MYT1L: variants seen among roughly 807,000 people sequenced by gnomAD.
MYT1L encodes the protein myelin transcription factor 1-like protein.
A neutral mutation model predicts 126.7 loss-of-function variants in MYT1L; 12 were observed. The ratio of observed to expected loss-of-function variants is 0.09; its 90% CI spans 0.06 to 0.15. The LOEUF is 0.15. MYT1L is among the 10% of genes least tolerant of loss of function. MYT1L has a pLI of 1.00. For synonymous variants in MYT1L, 541 were observed against 604.2 expected (o/e 0.90, Z 1.53); for missense variants, 979 against 1,585.2 (o/e 0.62, Z 6.49).
In MYT1L at chr2:2,228,131, A is replaced by G. The variant is rs1033969447; in HGVS notation, c.-420-55143T>C. 2.6e-4 allele frequency among the ~76,000 whole-genome samples: 40 copies of G among 152,364 alleles called. No homozygotes were observed. The highest frequency in any genetic ancestry group is 8.4e-4 in the African/African-American group (35 of 41,590). ...TATCTCTATGCAAGGATTACAGATA[A>G]TATAATCATCATCACTATCATCAGT... On this transcript the variant is annotated intron_variant, in intron 2 of 24. Transcript: ENST00000647738. This position sits in a 1 kb window ranked among gnomAD's most constrained non-coding sequence, Gnocchi z 5.9.
intron 9 of MYT1L, among the ~76,000 whole-genome samples, chr2:1,942,328 C>T: frequency 6.6e-6 from 1 of 152,198 alleles, no homozygotes; most frequent in East Asian, 1.9e-4. Context: ...CTGCCGGGAA[C>T]ATTCCCAACA....
intron 1 of MYT1L, chr2:2,306,297 T>G (rs2095857858): frequency 6.6e-6 from 1 of 152,202 alleles, no homozygotes; most frequent in Non-Finnish European, 1.5e-5. Flanking sequence ...TTGCTTGAAC[T>G]CAAGAGGCAG....
At chr2:1,865,131 C>G (rs921990349) in intron 18 of MYT1L, among the ~76,000 whole-genome samples, 2 of 152,188 alleles carry the variant, frequency 1.3e-5, no homozygotes, top group South Asian at 4.1e-4. Context: ...GCATCTGCCC[C>G]GGGTACTGAG....
intron 19 of MYT1L, chr2:1,842,337 C>A (rs1343981104): frequency 6.6e-6 from 1 of 152,424 alleles, no homozygotes; most frequent in Non-Finnish European, 1.5e-5. Context: ...CGGGAAGGTT[C>A]GGGTTTCGTG....
At chr2:2,283,100 T>C (rs1041177165) in intron 2 of MYT1L, among the ~76,000 whole-genome samples, 1 of 152,174 alleles carries the variant, frequency 6.6e-6, no homozygotes, top group East Asian at 1.9e-4. Context: ...TAGTTCTTCA[T>C]ACAGAAAGAT....
intron 2 of MYT1L, among the ~76,000 whole-genome samples, chr2:2,204,177 A>T (rs1366517445): frequency 2.6e-5 from 4 of 152,218 alleles, no homozygotes. Flanking sequence ...AACCTAGGCA[A>T]TATCATTCAG....
intron 20 of MYT1L, 67 bp downstream of exon 20, chr2:1,840,693 T>A (rs2041543439): frequency 8.6e-7 from 1 of 1,166,810 alleles, no homozygotes; most frequent in Non-Finnish European, 1.2e-6. Flanking sequence ...ATATACTTGC[T>A]TTGCTTGAAT....
chr2:1,934,683 C>T (rs2055585138), intron 9 of MYT1L, among the ~76,000 whole-genome samples: 1 of 151,526 alleles, frequency 6.6e-6, no homozygotes, highest in Non-Finnish European at 1.5e-5. Flanking sequence ...CTGTCTCATT[C>T]TCTCTTTCTC....
chr2:2,273,475 T>G (rs1449994701), intron 2 of MYT1L, among the ~76,000 whole-genome samples: 1 of 152,188 alleles, frequency 6.6e-6, no homozygotes, highest in Non-Finnish European at 1.5e-5. Context: ...CAGGAAGATT[T>G]AAATGTTCTA....
At chr2:2,071,936 T>C (rs1030545671) in intron 3 of MYT1L, among the ~76,000 whole-genome samples, 1 of 152,178 alleles carries the variant, frequency 6.6e-6, no homozygotes, top group African/African-American at 2.4e-5. Context: ...AGATTTTAGT[T>C]TGGCACAATT....
intron 1 of MYT1L, among the ~76,000 whole-genome samples, chr2:2,302,929 AC>A (rs2095805419): frequency 1.3e-5 from 2 of 152,154 alleles, no homozygotes; most frequent in Non-Finnish European, 2.9e-5. Flanking sequence ...ATCATAATCA[AC>A]ATTGAGTCCC....
Position 2,267,047 on chromosome 2 carries a change from C to T in MYT1L, c.-421+17357G>A, listed in dbSNP as rs115998484. ...TTCAGCACAGGGAGGATGGGTCCTA[C>T]GGCCATGGTGAACCAGAGCAAGCCA... On this transcript the variant is annotated intron_variant, in intron 2 of 24. Transcript: ENST00000647738. 8.0e-3 allele frequency among the ~76,000 whole-genome samples: 1,212 copies of T among 152,302 alleles called. 19 individuals carry two copies. Among genetic ancestry groups the T allele is most frequent in the African/African-American group, 0.028 (1,161 of 41,560 alleles).
intron 3 of MYT1L, among the ~76,000 whole-genome samples, chr2:2,132,470 A>G (rs1332856670): frequency 6.6e-6 from 1 of 151,668 alleles, no homozygotes; most frequent in Non-Finnish European, 1.5e-5. Flanking sequence ...AAACTAACAC[A>G]GGAACAGAAA....
chr2:1,903,712 G>T (rs1359029262), intron 13 of MYT1L, among the ~76,000 whole-genome samples: 3 of 152,160 alleles, frequency 2.0e-5, no homozygotes, highest in African/African-American at 7.2e-5. Flanking sequence ...AAAGTAAGAT[G>T]AGGTAAAGAA....
intron 3 of MYT1L, among the ~76,000 whole-genome samples, chr2:2,145,658 CACACACACAA>C (rs1207149400): frequency 6.6e-6 from 1 of 151,894 alleles, no homozygotes; most frequent in African/African-American, 2.4e-5. Context: ...CACACACACA[CACACACACAA>C]AGACACATAT....
At chr2:1,840,218 C>T (rs10201579) in intron 20 of MYT1L, among the ~76,000 whole-genome samples, 66,737 of 151,870 alleles carry the variant, frequency 0.44, 15,561 homozygotes, top group East Asian at 0.67. Context: ...GTGAGGCTTA[C>T]TGTGTGGGTT....
At position 2,211,025 on chromosome 2, in the gene MYT1L, C is replaced by T. The variant is rs2093486773; in HGVS notation, c.-420-38037G>A. Among the ~76,000 whole-genome samples the T allele has an allele frequency of 3.3e-5, 5 of 152,154 alleles. No individual in the cohort carries two copies. The South Asian group carries it at 1.0e-3, about 32-fold the overall frequency. ...GATTGCTCTTTTGATTTCTTTTTCA[C>T]ATTGTTCAGTGTTGACATATGGAAA... On this transcript the variant is annotated intron_variant, in intron 2 of 24. Transcript: ENST00000647738.
At chr2:1,957,136 A>G (rs1042251644) in intron 8 of MYT1L, among the ~76,000 whole-genome samples, 1 of 152,340 alleles carries the variant, frequency 6.6e-6, no homozygotes, top group Non-Finnish European at 1.5e-5. Context: ...CACCTGCTCC[A>G]TTGAGATAGG....
In MYT1L at chr2:2,309,452, A is replaced by G. The variant is rs1468631224; in HGVS notation, c.-521+21515T>C. 3.3e-5 allele frequency among the ~76,000 whole-genome samples: 5 copies of G among 150,576 alleles called. No homozygotes were observed. In the East Asian group the frequency reaches 9.9e-4, roughly 30 times the overall value. On this transcript the variant is annotated intron_variant, in intron 1 of 24. Transcript: ENST00000647738. The stretch of plus-strand genomic sequence containing the variant: ...TCATCTGCACTTTGGTATACTCTAC[A>G]TAGACTCCACCTACACTTTACTGTT...
Sources: allele counts gnomAD v4.1 joint callset (sites outside exome capture counted in the v4.1 genomes callset), GRCh38; gene constraint gnomAD v4.1.1; non-coding constraint Gnocchi (gnomAD v3.1); transcripts MANE v1.5; gene names NCBI Gene and HGNC (gene_info 2026-07-23, HGNC 2026-07-21).